The following HAT1 variants were observed in gnomAD, a reference collection of about 807,000 sequenced individuals.
HAT1 encodes the protein histone acetyltransferase type B catalytic subunit.
Under a neutral mutation model 56.6 loss-of-function variants are expected in HAT1, and 20 were observed. The observed-to-expected ratio is 0.35, with a 90% confidence interval of 0.25 to 0.51. The LOEUF (loss-of-function observed/expected upper bound fraction) is 0.51. Among genes scored for constraint, HAT1 ranks in the 20% least tolerant of loss-of-function variants. The pLI, the probability that HAT1 is intolerant of heterozygous loss-of-function variation, is 0.95. For synonymous variants in HAT1, 146 were observed against 165.5 expected, an observed-to-expected ratio of 0.88 and a Z score of 0.91; for missense variants, 408 against 504.3, an observed-to-expected ratio of 0.81 and a Z score of 1.83.
chr2:171,981,970 A>G (rs1470022586), intron 10 of HAT1, among the ~76,000 whole-genome samples: 1 of 152,162 alleles, frequency 6.6e-6, no homozygotes, highest in Non-Finnish European at 1.5e-5. Flanking sequence ...AGATTTTACT[A>G]AAGTAAAATA....
intron 4 of HAT1, 120 bp from the exon 5 acceptor site, chr2:171,965,218 T>A (rs1982288): frequency 6.3e-6 from 4 of 629,984 alleles, no homozygotes; most frequent in Admixed American, 6.3e-5. Flanking sequence ...GTGTGTTTAC[T>A]TCTTTAGTTT....
In HAT1 at chr2:171,952,953, C is replaced by G; in HGVS notation, c.261C>G (p.Phe87Leu). 6.3e-7 allele frequency: 1 copy of G among 1,594,216 alleles called. No homozygotes were observed. Among genetic ancestry groups the G allele is most frequent in the Non-Finnish European group, 8.6e-7 (1 of 1,162,382 alleles). ...TTGCTGGTAGCCTGTCAACAATGTT[C>G]CGTGTTGAATATGCATCTAAAGTTG... is the stretch of plus-strand genomic sequence containing the variant. ...YYIAGSLSTM[F>L]RVEYASKVDE... The change falls in exon 4 of 11, where the codon TTC becomes TTG. Residue 87 changes from phenylalanine (F) to leucine (L), a missense_variant. Coordinates refer to ENST00000264108, the MANE Select transcript of HAT1 (RefSeq NM_003642.4).
Position 171,983,438 on chromosome 2 carries a change from G to T in HAT1, c.*86G>T. 4 of 640,032 alleles carry T rather than the reference G, an allele frequency of 6.2e-6. No individual in the cohort carries two copies. The highest frequency in any genetic ancestry group is 2.9e-5 in the East Asian group (1 of 34,152). The allele number at this position is 640,032 out of a possible 1,614,324, so 39.6% of individuals were successfully genotyped here. A position where few individuals can be genotyped will look rare whatever the true frequency, so the allele number is the denominator to read the frequency against. On this transcript the variant is annotated 3_prime_UTR_variant, in exon 11 of 11. Coordinates refer to ENST00000264108, the MANE Select transcript of HAT1 (RefSeq NM_003642.4). ...CTGATGACTTTAATTTTAAAATCTT[G>T]TGACATTTTGCTTATACTAAAAGTT...
intron 2 of HAT1, among the ~76,000 whole-genome samples, chr2:171,930,125 C>A (rs1407443507): frequency 6.6e-6 from 1 of 152,066 alleles, no homozygotes; most frequent in Admixed American, 6.6e-5. Flanking sequence ...CTGAGTAAAT[C>A]TACATCTTTT....
intron 8 of HAT1, among the ~76,000 whole-genome samples, chr2:171,974,204 A>G (rs74173125): frequency 1.4e-5 from 1 of 73,954 alleles, no homozygotes; most frequent in African/African-American, 4.2e-5. Flanking sequence ...AAAAAAAGAA[A>G]AAGAAAAAAA....
At chr2:171,930,713 C>T (rs1686721325) in intron 2 of HAT1, among the ~76,000 whole-genome samples, 1 of 152,108 alleles carries the variant, frequency 6.6e-6, no homozygotes, top group South Asian at 2.1e-4. Context: ...TTCCCAGGCT[C>T]AAGCGAACCT....
intron 7 of HAT1, 118 bp from the exon 8 acceptor site, chr2:171,966,725 G>A (rs1025705050): frequency 2.8e-5 from 18 of 641,564 alleles, no homozygotes; most frequent in Non-Finnish European, 4.4e-5. Context: ...GTATCTCAAA[G>A]GTGGATTGAA....
intron 6 of HAT1, chr2:171,966,138 A>G: frequency 1.7e-6 from 1 of 593,422 alleles, no homozygotes; most frequent in South Asian, 2.1e-5. Context: ...AAACAGTAAA[A>G]TGAGCTTTGC....
chr2:171,966,000 G>C (rs918756166), intron 6 of HAT1, 92 bp downstream of exon 6: 2 of 1,131,082 alleles, frequency 1.8e-6, no homozygotes, highest in African/African-American at 3.1e-5. Flanking sequence ...ACAGTATAAT[G>C]ATATTTTTCC....
Position 171,983,297 on chromosome 2 carries a change from T to A in HAT1, c.1205T>A (p.Phe402Tyr). 1 of 1,608,934 alleles carries A rather than the reference T, an allele frequency of 6.2e-7. No homozygotes were observed. Among genetic ancestry groups the A allele is most frequent in the East Asian group, 2.2e-5 (1 of 44,724 alleles). The change falls in exon 11 of 11, where the codon TTT becomes TAT. Residue 402 changes from phenylalanine to tyrosine, a missense_variant. Transcript: ENST00000264108. ...CAACATGAACAGCTGGAAGAGAGTTTTCAGGAACTAGTGGAAGATTACCGG... is the reference window on the plus strand; with the variant it reads ...CAACATGAACAGCTGGAAGAGAGTTATCAGGAACTAGTGGAAGATTACCGG... ...SMQHEQLEES[F>Y]QELVEDYRRV... is the part of the protein sequence containing the mutation.
At chr2:171,923,938 A>G (rs969061793) in intron 1 of HAT1, 3 of 152,180 alleles carry the variant, frequency 2.0e-5, no homozygotes, top group Non-Finnish European at 2.9e-5. Flanking sequence ...TTTGTTGCTT[A>G]CATTCCTCGA....
chr2:171,941,666 C>G (rs187284832), intron 2 of HAT1, among the ~76,000 whole-genome samples: 69 of 152,172 alleles, frequency 4.5e-4, no homozygotes, highest in Non-Finnish European at 4.4e-5. Context: ...AATGCCACCA[C>G]TGATCTGACA....
At chr2:171,983,053 A>G (rs1184408480) in intron 10 of HAT1, 132 bp from the exon 11 acceptor site, 3 of 533,268 alleles carry the variant, frequency 5.6e-6, no homozygotes, top group African/African-American at 3.9e-5. Flanking sequence ...ACAAAACAAA[A>G]AAAAAACATT....
At chr2:171,931,183 G>T (rs1686736712) in intron 2 of HAT1, among the ~76,000 whole-genome samples, 1 of 151,292 alleles carries the variant, frequency 6.6e-6, no homozygotes, top group South Asian at 2.1e-4. Flanking sequence ...TTGAGCCCAG[G>T]AGTTTGAGAC....
At chr2:171,953,112 A>AG (rs1374105116) in intron 4 of HAT1, 111 bp downstream of exon 4, 5 of 543,828 alleles carry the variant, frequency 9.2e-6, no homozygotes, top group Non-Finnish European at 1.5e-5. Flanking sequence ...TGGGGGACCA[A>AG]GGGGGGCAGA....
chr2:171,937,662 T>C (rs370080193), intron 2 of HAT1, among the ~76,000 whole-genome samples: 8 of 152,308 alleles, frequency 5.3e-5, no homozygotes, highest in South Asian at 2.1e-4. Context: ...TCTACTGTTA[T>C]GGAGTTCAAG....
intron 4 of HAT1, 197 bp from the exon 5 acceptor site, chr2:171,965,141 A>G (rs556368589): frequency 3.8e-6 from 2 of 531,870 alleles, no homozygotes; most frequent in Non-Finnish European, 3.4e-6. Flanking sequence ...TTACTTTTAT[A>G]TTATGCTCAT....
chr2:171,968,374 C>A (rs139044150), intron 8 of HAT1, among the ~76,000 whole-genome samples: 83 of 152,248 alleles, frequency 5.5e-4, no homozygotes, highest in African/African-American at 1.9e-3. Flanking sequence ...ATGTGGAGTT[C>A]ACATAAGTAG....
chr2:171,970,761 T>G, intron 8 of HAT1, among the ~76,000 whole-genome samples: 1 of 150,482 alleles, frequency 6.6e-6, no homozygotes. Flanking sequence ...CTTGTGACCC[T>G]CCGGCCTCGG....
Sources: gnomAD v4.1 joint callset for allele counts (sites outside exome capture counted in the v4.1 genomes callset) on GRCh38, gnomAD v4.1.1 for gene constraint, MANE v1.5 for transcripts, NCBI Gene and HGNC (gene_info 2026-07-23, HGNC 2026-07-21) for gene names.